Variants in PGR observed in about 807,000 individuals in gnomAD.
PGR encodes the protein nuclear receptor subfamily 3 group C member 3.
Under a neutral mutation model 76.1 loss-of-function variants are expected in PGR, and 25 were observed. The observed-to-expected ratio is 0.33, with a 90% CI of 0.24 to 0.46. PGR has a LOEUF of 0.46. PGR is among the 20% of genes least tolerant of loss of function. PGR has a pLI of 1.00. For missense variants in PGR, 1,172 were observed against 1,225.3 expected, an observed-to-expected ratio of 0.96 and a Z score of 0.65; for synonymous variants, 579 against 535.0, an observed-to-expected ratio of 1.08 and a Z score of -1.14.
chr11:101,085,653 C>T (rs1362567456), intron 3 of PGR, among the ~76,000 whole-genome samples: 2 of 149,148 alleles, frequency 1.3e-5, no homozygotes. Context: ...ATCAACAAAA[C>T]CAAAAGTTAT....
rs1389689164 is a variant in PGR at position 101,084,181 on chromosome 11, ATAT to A, written c.1906+7576_1906+7578del. On this transcript the variant is annotated intron_variant, in intron 3 of 7. Transcript: ENST00000325455. ...ACCTCTCCTACTCTGCCATGGTAAG[ATAT>A]TCTTGCTTCCCCTTCACCTTCTGCC... Among the ~76,000 whole-genome samples, 5 of 152,122 alleles carry A rather than the reference ATAT, an allele frequency of 3.3e-5. No homozygotes were observed. In the East Asian group the frequency reaches 9.7e-4, roughly 29 times the overall value.
At chr11:101,066,020 C>A (rs1454076898) in intron 3 of PGR, among the ~76,000 whole-genome samples, 1 of 152,164 alleles carries the variant, frequency 6.6e-6, no homozygotes, top group Non-Finnish European at 1.5e-5. Context: ...CATTTCAATA[C>A]CAAATCTTAG....
rs1400149336 is a variant in PGR at position 101,085,617 on chromosome 11, T to G, written c.1906+6143A>C. Among the ~76,000 whole-genome samples the G allele has an allele frequency of 2.1e-5, 3 of 140,520 alleles. No homozygotes were observed. The East Asian group carries it at 6.4e-4, about 30-fold the overall frequency. The allele number at this position is 140,520 out of a possible 152,430, so 92.2% of individuals were successfully genotyped here. ...AACTAAAGAGCAGAACCAAATGAAA[T>G]TGAGACCCAAAAATCTATACAAAGA... On this transcript the variant is annotated intron_variant, in intron 3 of 7. Coordinates refer to ENST00000325455, the MANE Select transcript of PGR (RefSeq NM_000926.4).
intron 2 of PGR, among the ~76,000 whole-genome samples, chr11:101,116,688 T>A (rs1862523039): frequency 7.3e-6 from 1 of 137,486 alleles, no homozygotes; most frequent in South Asian, 2.2e-4. Context: ...TGCAGTGAGC[T>A]GAGGTCAAAC....
intron 4 of PGR, among the ~76,000 whole-genome samples, chr11:101,053,343 T>G (rs1482993068): frequency 6.6e-6 from 1 of 150,692 alleles, no homozygotes; most frequent in Non-Finnish European, 1.5e-5. Flanking sequence ...CATCTTCATG[T>G]GAATAGTAGA....
At chr11:101,059,693 A>C (rs1387884127) in intron 4 of PGR, among the ~76,000 whole-genome samples, 5 of 151,740 alleles carry the variant, frequency 3.3e-5, no homozygotes, top group African/African-American at 1.2e-4. Flanking sequence ...AAATTTAGCC[A>C]AGCAAGGTGG....
At position 101,069,678 on chromosome 11, in the gene PGR, C is replaced by T. The variant is rs1860850992; in HGVS notation, c.1907-6926G>A. 2.0e-5 allele frequency among the ~76,000 whole-genome samples: 3 copies of T among 152,254 alleles called. No individual in the cohort carries two copies. The South Asian group carries it at 6.2e-4, about 32-fold the overall frequency. On this transcript the variant is annotated intron_variant, in intron 3 of 7. Coordinates refer to ENST00000325455, the MANE Select transcript of PGR (RefSeq NM_000926.4). The stretch of plus-strand genomic sequence containing the variant: ...TATACACCATGGAATACTATGCAGC[C>T]ATCAAAAGGGATGAGTTCATGTCTT...
intron 2 of PGR, among the ~76,000 whole-genome samples, chr11:101,095,365 T>C (rs767505926): frequency 6.6e-6 from 1 of 152,140 alleles, no homozygotes; most frequent in Non-Finnish European, 1.5e-5. Flanking sequence ...AAAGCTCAGA[T>C]CTGCAACTTA....
At chr11:101,054,760 A>G (rs956901541) in intron 4 of PGR, among the ~76,000 whole-genome samples, 12 of 152,204 alleles carry the variant, frequency 7.9e-5, no homozygotes, top group African/African-American at 2.4e-4. Flanking sequence ...ACAATTCACA[A>G]TGATAACTAA....
At position 101,084,825 on chromosome 11, in the gene PGR, T is replaced by A. The variant is rs188502818; in HGVS notation, c.1906+6935A>T. Reference sequence around the variant, plus strand: ...GAAAACAAAAAAGAGCAGGGGTTGCTATTCTTAGATTAGATAAAACAGACT... The same window carrying A: ...GAAAACAAAAAAGAGCAGGGGTTGCAATTCTTAGATTAGATAAAACAGACT... On this transcript the variant is annotated intron_variant, in intron 3 of 7. Transcript: ENST00000325455. Among the ~76,000 whole-genome samples, 23 of 152,290 alleles carry A rather than the reference T, an allele frequency of 1.5e-4. No individual in the cohort carries two copies. The Middle Eastern group carries it at 0.01, about 68-fold the overall frequency.
intron 2 of PGR, among the ~76,000 whole-genome samples, chr11:101,113,444 T>C (rs924756339): frequency 2.7e-5 from 4 of 149,932 alleles, no homozygotes; most frequent in Non-Finnish European, 6.0e-5. Context: ...TTTTTTGTAT[T>C]TTTAGTAGAG....
At chr11:101,048,976 G>A (rs910522406) in intron 6 of PGR, among the ~76,000 whole-genome samples, 4 of 151,812 alleles carry the variant, frequency 2.6e-5, no homozygotes, top group African/African-American at 7.3e-5. Context: ...AAACTCCTGG[G>A]CTCAAGTGAT....
At chr11:101,092,592 G>GT (rs954515611) in intron 2 of PGR, among the ~76,000 whole-genome samples, 1 of 152,174 alleles carries the variant, frequency 6.6e-6, no homozygotes, top group Non-Finnish European at 1.5e-5. Context: ...GTCACTTTGT[G>GT]TAGAGGAAAC....
chr11:101,059,918 A>G (rs1175262184), intron 4 of PGR, among the ~76,000 whole-genome samples: 1 of 152,060 alleles, frequency 6.6e-6, no homozygotes, highest in Non-Finnish European at 1.5e-5. Context: ...AGAAATATAA[A>G]CTACCATTAT....
At chr11:101,088,581 G>A (rs1306891401) in intron 3 of PGR, among the ~76,000 whole-genome samples, 2 of 152,030 alleles carry the variant, frequency 1.3e-5, no homozygotes, top group African/African-American at 2.4e-5. Context: ...ATCCACCTGC[G>A]TTGGCCTCCC....
chr11:101,125,711 T>C (rs1173724336), intron 2 of PGR, among the ~76,000 whole-genome samples: 3 of 152,202 alleles, frequency 2.0e-5, no homozygotes, highest in Non-Finnish European at 2.9e-5. Flanking sequence ...AACAAAGCTG[T>C]TTCCTCAAAG....
chr11:101,082,125 ACTCTCT>A (rs3067562), intron 3 of PGR, among the ~76,000 whole-genome samples: 4 of 145,568 alleles, frequency 2.7e-5, no homozygotes, highest in Non-Finnish European at 6.1e-5. Context: ...TTCCCCTCTC[ACTCTCT>A]CTCTCTCTCT....
At chr11:101,076,856 A>G (rs1337829737) in intron 3 of PGR, among the ~76,000 whole-genome samples, 1 of 150,066 alleles carries the variant, frequency 6.7e-6, no homozygotes, top group African/African-American at 2.4e-5. Context: ...AGAAGAATAC[A>G]GATTTTTGTA....
At chr11:101,059,112 A>T (rs575877216) in intron 4 of PGR, among the ~76,000 whole-genome samples, 1 of 151,838 alleles carries the variant, frequency 6.6e-6, no homozygotes, top group African/African-American at 2.4e-5. Context: ...TGCTTTTCTT[A>T]TTTCAGCCAT....
Sources: allele counts gnomAD v4.1 joint callset (sites outside exome capture counted in the v4.1 genomes callset), GRCh38; gene constraint gnomAD v4.1.1; transcripts MANE v1.5; gene names NCBI Gene and HGNC (gene_info 2026-07-23, HGNC 2026-07-21).